PTPRD: variants seen among roughly 807,000 people sequenced by gnomAD.
The protein encoded by PTPRD is protein tyrosine phosphatase receptor type D.
PTPRD carries 34 observed loss-of-function variants against 214.5 expected under a neutral mutation model. The observed-to-expected ratio is 0.16, with a 90% CI of 0.12 to 0.21. The LOEUF (loss-of-function observed/expected upper bound fraction) is 0.21. Ranked by LOEUF, PTPRD falls within the 10% of genes least tolerant of loss-of-function variation. PTPRD has a pLI of 1.00. For synonymous variants in PTPRD, 1,128 were observed against 845.7 expected (o/e 1.33, Z -5.79); for missense variants, 2,545 against 2,398.7 (o/e 1.06, Z -1.27).
At chr9:10,384,322 A>C (rs537274033) in intron 2 of PTPRD, among the ~76,000 whole-genome samples, 19 of 151,878 alleles carry the variant, frequency 1.3e-4, no homozygotes, top group Admixed American at 2.0e-4. Context: ...ACCCACAAAA[A>C]TTAAAATAAA....
At chr9:8,386,048 T>G (rs2135477369) in intron 37 of PTPRD, among the ~76,000 whole-genome samples, 1 of 152,316 alleles carries the variant, frequency 6.6e-6, no homozygotes, top group East Asian at 1.9e-4. Context: ...GCCCCCAACT[T>G]CTTTACCAAA....
chr9:9,143,917 G>C (rs943395926), intron 10 of PTPRD, among the ~76,000 whole-genome samples: 2 of 152,184 alleles, frequency 1.3e-5, no homozygotes, highest in Non-Finnish European at 2.9e-5. Context: ...TACATGTTTT[G>C]TGAGGTTTTC....
chr9:8,667,122 T>A (rs1438235238), intron 12 of PTPRD, among the ~76,000 whole-genome samples: 1 of 152,170 alleles, frequency 6.6e-6, no homozygotes, highest in African/African-American at 2.4e-5. Flanking sequence ...GCAGATGACC[T>A]GAAGTCAGGA....
At chr9:8,542,140 G>A (rs940257925) in intron 14 of PTPRD, among the ~76,000 whole-genome samples, 7 of 152,116 alleles carry the variant, frequency 4.6e-5, no homozygotes, top group East Asian at 3.9e-4. Context: ...AAAGGATTGC[G>A]ATCTTTTTCC....
chr9:9,788,547 G>A (rs1236421324), intron 5 of PTPRD, among the ~76,000 whole-genome samples: 2 of 75,648 alleles, frequency 2.6e-5, no homozygotes, highest in Non-Finnish European at 4.8e-5. Flanking sequence ...GAGAAGCTCC[G>A]TCTCAAAAAA....
chr9:9,244,771 C>T (rs541225323), intron 9 of PTPRD, among the ~76,000 whole-genome samples: 1 of 151,968 alleles, frequency 6.6e-6, no homozygotes, highest in African/African-American at 2.4e-5. Flanking sequence ...GCAACAAAAG[C>T]CAAAATTGAC....
Position 8,423,833 on chromosome 9 carries a change from T to A in PTPRD, c.4086+12759A>T, listed in dbSNP as rs144131480. Among the ~76,000 whole-genome samples the A allele has an allele frequency of 6.5e-3, 987 of 152,252 alleles. 8 individuals carry two copies. Among genetic ancestry groups the A allele is most frequent in the African/African-American group, 0.022 (930 of 41,548 alleles). ...ATCAACCATCTGCTTTTTTTTTCCTTGATTTTATTTACCTAGATCAAGATC... is the reference window on the plus strand; with the variant it reads ...ATCAACCATCTGCTTTTTTTTTCCTAGATTTTATTTACCTAGATCAAGATC... On this transcript the variant is annotated intron_variant, in intron 35 of 45. Transcript: ENST00000381196.
intron 6 of PTPRD, among the ~76,000 whole-genome samples, chr9:9,758,184 C>CTTTTT (rs34736489): frequency 2.1e-5 from 3 of 144,134 alleles, no homozygotes; most frequent in Admixed American, 7.0e-5. Flanking sequence ...CCTTAGCAGA[C>CTTTTT]TTTTTTTTTT....
intron 11 of PTPRD, among the ~76,000 whole-genome samples, chr9:8,799,844 C>G (rs2096535890): frequency 6.6e-6 from 1 of 152,008 alleles, no homozygotes; most frequent in African/African-American, 2.4e-5. Flanking sequence ...CCCAACTCCC[C>G]CACACACTTT....
chr9:9,668,315 T>A (rs1286806266), intron 7 of PTPRD, among the ~76,000 whole-genome samples: 2 of 152,314 alleles, frequency 1.3e-5, no homozygotes, highest in Admixed American at 6.5e-5. Flanking sequence ...AGTCTTCGCA[T>A]TTCCTCTCCA....
At chr9:9,894,617 G>A (rs1028080224) in intron 5 of PTPRD, among the ~76,000 whole-genome samples, 2 of 151,700 alleles carry the variant, frequency 1.3e-5, no homozygotes, top group African/African-American at 4.8e-5. Flanking sequence ...AATTCCCTCT[G>A]TACTCCCACA....
At chr9:8,873,385 C>T (rs1349661739) in intron 11 of PTPRD, among the ~76,000 whole-genome samples, 1 of 152,090 alleles carries the variant, frequency 6.6e-6, no homozygotes, top group Admixed American at 6.6e-5. Context: ...TCTTTAATAT[C>T]TTCTTTTTCC....
intron 9 of PTPRD, among the ~76,000 whole-genome samples, chr9:9,273,687 G>C (rs1440557237): frequency 1.3e-5 from 2 of 151,144 alleles, no homozygotes; most frequent in Non-Finnish European, 3.0e-5. Context: ...GTTTCCATAT[G>C]ACCCAGTGGG....
At chr9:8,418,556 T>C (rs2131430905) in intron 35 of PTPRD, among the ~76,000 whole-genome samples, 2 of 151,288 alleles carry the variant, frequency 1.3e-5, no homozygotes, top group Admixed American at 1.3e-4. Context: ...ATGTAAAATG[T>C]ATGTAAAATA....
At chr9:9,371,141 G>A (rs1255453987) in intron 9 of PTPRD, among the ~76,000 whole-genome samples, 1 of 152,126 alleles carries the variant, frequency 6.6e-6, no homozygotes, top group South Asian at 2.1e-4. Flanking sequence ...ATGAGTTAGG[G>A]AGGATTCCCT....
At chr9:9,409,962 CCTGT>C (rs1345528351) in intron 8 of PTPRD, among the ~76,000 whole-genome samples, 2 of 151,994 alleles carry the variant, frequency 1.3e-5, no homozygotes, top group African/African-American at 2.4e-5. Flanking sequence ...AATATGTTGG[CCTGT>C]CTGACTACCA....
At chr9:10,537,728 T>C (rs768442014) in intron 2 of PTPRD, among the ~76,000 whole-genome samples, 3 of 152,150 alleles carry the variant, frequency 2.0e-5, no homozygotes, top group Non-Finnish European at 2.9e-5. Flanking sequence ...ATATTTATCA[T>C]CATAATGTCT....
chr9:10,508,180 CAGAT>C (rs1486070676), intron 2 of PTPRD, among the ~76,000 whole-genome samples: 42 of 152,228 alleles, frequency 2.8e-4, no homozygotes, highest in Non-Finnish European at 5.3e-4. Flanking sequence ...ATGCAGCCAA[CAGAT>C]ACATGAAAAA....
At chr9:8,778,573 A>C (rs2095573480) in intron 11 of PTPRD, among the ~76,000 whole-genome samples, 1 of 152,132 alleles carries the variant, frequency 6.6e-6, no homozygotes, top group African/African-American at 2.4e-5. Flanking sequence ...CTGGGCCGTG[A>C]CTTCCAAGCT....
Sources: gnomAD v4.1 joint callset for allele counts (sites outside exome capture counted in the v4.1 genomes callset) on GRCh38, gnomAD v4.1.1 for gene constraint, MANE v1.5 for transcripts, NCBI Gene and HGNC (gene_info 2026-07-23, HGNC 2026-07-21) for gene names.